Variants in CEP85 observed in about 807,000 individuals in gnomAD.
CEP85 encodes centrosomal protein of 85 kDa.
A neutral mutation model predicts 93.7 loss-of-function variants in CEP85; 58 were observed. The observed-to-expected ratio is 0.62, with a 90% confidence interval of 0.50 to 0.77. CEP85 has a LOEUF of 0.77. Among genes scored for constraint, CEP85 ranks in the 30% least tolerant of loss-of-function variants. The pLI, the probability that CEP85 is intolerant of heterozygous loss-of-function variation, is 0.00. For synonymous variants in CEP85, 314 were observed against 338.6 expected (o/e 0.93, Z 0.80); for missense variants, 868 against 922.0 (o/e 0.94, Z 0.76).
chr1:26,263,200 TA>T, intron 7 of CEP85: 1 of 284,490 alleles, frequency 3.5e-6, no homozygotes, highest in Non-Finnish European at 6.9e-6. Flanking sequence ...GGTTGGTGCA[TA>T]AAAATTCACC....
intron 10 of CEP85, 68 bp from the exon 11 acceptor site, chr1:26,271,953 C>G: frequency 1.4e-6 from 2 of 1,380,708 alleles, no homozygotes. Flanking sequence ...CCTAGTGCAG[C>G]CCCCTTGCCC....
intron 11 of CEP85, 44 bp downstream of exon 11, chr1:26,272,115 G>A (rs371913464): frequency 3.6e-5 from 57 of 1,575,702 alleles, no homozygotes; most frequent in Non-Finnish European, 4.9e-5. Context: ...ACTTAATGAT[G>A]GAATCTCTAG....
At chr1:26,255,089 C>A in intron 3 of CEP85, 82 bp from the exon 4 acceptor site, 1 of 1,161,206 alleles carries the variant, frequency 8.6e-7, no homozygotes, top group Non-Finnish European at 1.3e-6. Flanking sequence ...TCAGGACAGG[C>A]CGAGAGCTTC....
intron 12 of CEP85, among the ~76,000 whole-genome samples, chr1:26,275,697 T>G (rs1046191317): frequency 6.6e-6 from 1 of 152,188 alleles, no homozygotes; most frequent in South Asian, 2.1e-4. Context: ...CTTCATGCAC[T>G]AAACAGAGCT....
chr1:26,258,610 T>TC (rs1491106967), intron 6 of CEP85, among the ~76,000 whole-genome samples: 6 of 138,066 alleles, frequency 4.3e-5, no homozygotes, highest in South Asian at 2.2e-4. Context: ...ATTCTCTCTC[T>TC]TTTTTTTTTT....
chr1:26,271,523 C>A, intron 10 of CEP85: 1 of 171,112 alleles, frequency 5.8e-6, no homozygotes, highest in Non-Finnish European at 1.2e-5. Flanking sequence ...AAACTGACTG[C>A]AGGTTAGTAA....
intron 2 of CEP85, among the ~76,000 whole-genome samples, chr1:26,242,867 ATAAAT>A (rs2089449551): frequency 6.6e-6 from 1 of 152,198 alleles, no homozygotes; most frequent in Admixed American, 6.5e-5. Flanking sequence ...TTTTTAGAAA[ATAAAT>A]TTAAGTCTTT....
At chr1:26,240,037 C>CA (rs1326373197) in intron 2 of CEP85, among the ~76,000 whole-genome samples, 199 bp downstream of exon 2, 1 of 152,156 alleles carries the variant, frequency 6.6e-6, no homozygotes, top group Non-Finnish European at 1.5e-5. Context: ...TGGCTTTCAA[C>CA]AGGACCACGT....
At chr1:26,275,711 A>G (rs940585280) in intron 12 of CEP85, among the ~76,000 whole-genome samples, 1 of 152,236 alleles carries the variant, frequency 6.6e-6, no homozygotes, top group African/African-American at 2.4e-5. Context: ...CAGAGCTGTC[A>G]GCAGGGGGCA....
Position 26,243,991 on chromosome 1 carries a change from CAAAAAAAAAA to C in CEP85, c.56-158_56-149del, listed in dbSNP as rs58751883. Among the ~76,000 whole-genome samples, 123 of 108,202 alleles carry C rather than the reference CAAAAAAAAAA, an allele frequency of 1.1e-3. 2 individuals are homozygous for C. The highest frequency in any genetic ancestry group is 5.4e-3 in the South Asian group (14 of 2,582). 71.0% of individuals were successfully genotyped at this position (108,202 alleles called of 152,430 possible). A position where few individuals can be genotyped will look rare whatever the true frequency, so the allele number is the denominator to read the frequency against. On this transcript the variant is annotated intron_variant, in intron 2 of 13. Coordinates refer to ENST00000451429, the MANE Select transcript of CEP85 (RefSeq NM_001319944.2). ...CTGGGTGACAGAGCAGACTCCGTCT[CAAAAAAAAAA>C]AAAAAAAAAAAAAAAACTAGATCGG...
chr1:26,257,730 A>G lies in CEP85; in HGVS notation c.1037A>G (p.Lys346Arg). 2.5e-6 allele frequency: 4 copies of G among 1,614,108 alleles called. No individual in the cohort carries two copies. Among genetic ancestry groups the G allele is most frequent in the Non-Finnish European group, 3.4e-6 (4 of 1,179,988 alleles). The change falls in exon 5 of 14, where the codon AAG becomes AGG. Residue 346 changes from lysine (K) to arginine (R), a missense_variant and splice_region_variant. Transcript: ENST00000451429. Reference sequence around the variant, plus strand: ...AAGGAAAAAGAGCTTCTCATTGACAAGTAAGAGGGCAAGGGGTACCACAGA... The same window carrying G: ...AAGGAAAAAGAGCTTCTCATTGACAGGTAAGAGGGCAAGGGGTACCACAGA... ...LLKEKELLID[K>R]QRKHISQLEQ...
intron 3 of CEP85, among the ~76,000 whole-genome samples, chr1:26,249,632 A>G (rs2089572696): frequency 6.6e-6 from 1 of 152,188 alleles, no homozygotes; most frequent in Non-Finnish European, 1.5e-5. Flanking sequence ...CACTGGTGTA[A>G]TTCAGGCTAC....
At chr1:26,247,199 C>T (rs920836303) in intron 3 of CEP85, among the ~76,000 whole-genome samples, 3 of 152,066 alleles carry the variant, frequency 2.0e-5, no homozygotes, top group Non-Finnish European at 2.9e-5. Flanking sequence ...TCTAGGGCTT[C>T]GGAAGCTGGT....
chr1:26,272,487 T>A (rs1489904825), intron 11 of CEP85: 3 of 190,118 alleles, frequency 1.6e-5, no homozygotes, highest in Admixed American at 5.4e-5. Flanking sequence ...CTGCAAGCAG[T>A]TTGATACTGC....
At chr1:26,234,688 C>G (rs1345018621) in intron 1 of CEP85, among the ~76,000 whole-genome samples, 2 of 152,190 alleles carry the variant, frequency 1.3e-5, no homozygotes, top group Non-Finnish European at 2.9e-5. Context: ...GTGGAGAAAT[C>G]TTACAAAGAG....
chr1:26,254,034 T>A (rs994274899), intron 3 of CEP85, among the ~76,000 whole-genome samples: 4 of 152,146 alleles, frequency 2.6e-5, no homozygotes, highest in African/African-American at 9.7e-5. Context: ...GTAGCTGATC[T>A]ATACTTACAT....
chr1:26,253,107 T>TA (rs2089644369), intron 3 of CEP85, among the ~76,000 whole-genome samples: 2 of 152,204 alleles, frequency 1.3e-5, no homozygotes, highest in African/African-American at 4.8e-5. Context: ...CGTTGTGTAA[T>TA]ATACTGCATT....
intron 1 of CEP85, among the ~76,000 whole-genome samples, chr1:26,238,888 G>A (rs189986454): frequency 1.1e-4 from 16 of 152,290 alleles, no homozygotes; most frequent in African/African-American, 3.9e-4. Flanking sequence ...AACATGGGAC[G>A]AGAACTTCAC....
intron 3 of CEP85, among the ~76,000 whole-genome samples, chr1:26,247,933 T>C (rs1368670804): frequency 2.6e-5 from 4 of 152,162 alleles, no homozygotes; most frequent in African/African-American, 9.7e-5. Flanking sequence ...AGTGCTGGGA[T>C]TACAGGTGTG....
Sources: gnomAD v4.1 joint callset for allele counts (sites outside exome capture counted in the v4.1 genomes callset) on GRCh38, gnomAD v4.1.1 for gene constraint, MANE v1.5 for transcripts, NCBI Gene and HGNC (gene_info 2026-07-23, HGNC 2026-07-21) for gene names.